Variants in GANC observed in about 807,000 individuals in gnomAD.
GANC encodes the protein glucosidase alpha, neutral C, also known as neutral alpha-glucosidase C.
GANC carries 117 observed loss-of-function variants against 124.2 expected under a neutral mutation model. The observed-to-expected ratio is 0.94, with a 90% CI of 0.81 to 1.10. The LOEUF (loss-of-function observed/expected upper bound fraction) is 1.10, where lower values mean the gene tolerates loss of function less well. Among genes scored for constraint, GANC ranks in the 50% least tolerant of loss-of-function variants. The probability of loss-of-function intolerance (pLI) is 0.00; values close to 1 mark genes in which losing one functional copy is unlikely to be tolerated. For missense variants in GANC, 1,140 were observed against 1,095.0 expected (o/e 1.04, Z -0.58); for synonymous variants, 377 against 376.8 (o/e 1.00, Z -0.01).
chr15:42,347,232 G>A (rs1228247484), intron 20 of GANC, among the ~76,000 whole-genome samples: 2 of 151,970 alleles, frequency 1.3e-5, no homozygotes, highest in East Asian at 1.9e-4. Context: ...CATGTGTGGG[G>A]AGATGGAAGT....
rs192351767 is a variant in GANC at position 42,281,424 on chromosome 15, C to T, written c.201+2834C>T. Among the ~76,000 whole-genome samples the T allele has an allele frequency of 2.1e-4, 18 of 85,002 alleles. No homozygotes were observed. The East Asian group carries it at 7.1e-3, about 34-fold the overall frequency. 55.8% of individuals were successfully genotyped at this position (85,002 alleles called of 152,430 possible). On this transcript the variant is annotated intron_variant, in intron 3 of 23. Coordinates refer to ENST00000318010, the MANE Select transcript of GANC (RefSeq NM_198141.3). ...TTAGGCCAGGCGTGGTGGCTCACACCTATAATCCCAGCACTTTGGGAGGCC... is the reference window on the plus strand; with the variant it reads ...TTAGGCCAGGCGTGGTGGCTCACACTTATAATCCCAGCACTTTGGGAGGCC...
chr15:42,316,152 A>G (rs544345965), intron 10 of GANC, among the ~76,000 whole-genome samples: 5 of 152,180 alleles, frequency 3.3e-5, no homozygotes, highest in Non-Finnish European at 5.9e-5. Context: ...CAACAGATAC[A>G]TGTATGCCAA....
At position 42,277,653 on chromosome 15, in the gene GANC, T is replaced by G. The variant is rs548487874; in HGVS notation, c.93-829T>G. 3.6e-3 allele frequency among the ~76,000 whole-genome samples: 551 copies of G among 151,872 alleles called. 6 individuals are homozygous for G. The highest frequency in any genetic ancestry group is 2.7e-3 in the South Asian group (13 of 4,814). On this transcript the variant is annotated intron_variant, in intron 2 of 23. Coordinates refer to ENST00000318010, the MANE Select transcript of GANC (RefSeq NM_198141.3). ...TCTCCCTCTGTCACCCAGGCTGGAG[T>G]GCAGTGGCGCAATCACTGCCCACCA...
chr15:42,304,941 C>A (rs1166969337), intron 6 of GANC, among the ~76,000 whole-genome samples: 1 of 152,146 alleles, frequency 6.6e-6, no homozygotes, highest in Non-Finnish European at 1.5e-5. Context: ...CTTCCTTACA[C>A]CTTATACAAA....
chr15:42,288,168 T>A (rs1435046971), intron 4 of GANC, among the ~76,000 whole-genome samples: 1 of 152,178 alleles, frequency 6.6e-6, no homozygotes, highest in Non-Finnish European at 1.5e-5. Flanking sequence ...GGAAAGCTAC[T>A]TATTACTCAC....
Position 42,348,214 on chromosome 15 carries a change from A to G in GANC, c.2416A>G (p.Lys806Glu), listed in dbSNP as rs775919981. 1.6e-5 allele frequency: 25 copies of G among 1,590,736 alleles called. No homozygotes were observed. Among genetic ancestry groups the G allele is most frequent in the Non-Finnish European group, 1.9e-5 (22 of 1,160,236 alleles). ...TGGACTCCGGGTTGCTCTAAGCACTAAGGTATTTGGTAAATCTGTTACTCA... is the reference window on the plus strand; with the variant it reads ...TGGACTCCGGGTTGCTCTAAGCACTGAGGTATTTGGTAAATCTGTTACTCA... ...SYGLRVALST[K>E]GSSVGELYLD... The change falls in exon 21 of 24, where the codon AAG becomes GAG. Residue 806 changes from lysine (K) to glutamate (E), a missense_variant and splice_region_variant. Physicochemically the swap from Lys to Glu is moderately conservative, Grantham distance 56. Coordinates refer to ENST00000318010, the MANE Select transcript of GANC (RefSeq NM_198141.3).
rs1388586350 is a variant in GANC at position 42,273,527 on chromosome 15, G to A, written c.-955G>A. 10 of 1,446,568 alleles carry A rather than the reference G, an allele frequency of 6.9e-6. No homozygotes were observed. The highest frequency in any genetic ancestry group is 4.0e-5 in the South Asian group (3 of 74,482). 89.6% of individuals were successfully genotyped at this position (1,446,568 alleles called of 1,614,324 possible). On this transcript the variant is annotated 5_prime_UTR_variant, in exon 1 of 24. Coordinates refer to ENST00000318010, the MANE Select transcript of GANC (RefSeq NM_198141.3). Reference sequence around the variant, plus strand: ...ACGTCGCGGAGCTTGTTTGCTGTGCGGCGTAGCGGCCCCTCTCTCAGACAG... The same window carrying A: ...ACGTCGCGGAGCTTGTTTGCTGTGCAGCGTAGCGGCCCCTCTCTCAGACAG...
At position 42,323,895 on chromosome 15, in the gene GANC, ATTAGGGGTG is replaced by A. The variant is rs545175983; in HGVS notation, c.1293+1878_1293+1886del. Among the ~76,000 whole-genome samples the A allele has an allele frequency of 8.3e-3, 1,267 of 152,302 alleles. 8 individuals are homozygous for A. The highest frequency in any genetic ancestry group is 0.012 in the Non-Finnish European group (783 of 68,014). The stretch of plus-strand genomic sequence containing the variant: ...GGGCAATGCAGCCAGAGGAAGGAGC[ATTAGGGGTG>A]TTCGGAAAGCAGTGCACAGGCAAGT... On this transcript the variant is annotated intron_variant, in intron 11 of 23. Transcript: ENST00000318010.
chr15:42,301,855 C>T (rs115263901), intron 6 of GANC, among the ~76,000 whole-genome samples: 2,541 of 152,286 alleles, frequency 0.017, 73 homozygotes, highest in African/African-American at 0.059. Flanking sequence ...CAGCCCCAAT[C>T]GGGCTTATAG....
At chr15:42,335,031 C>A (rs1466875532) in intron 15 of GANC, among the ~76,000 whole-genome samples, 1 of 152,064 alleles carries the variant, frequency 6.6e-6, no homozygotes, top group Non-Finnish European at 1.5e-5. Flanking sequence ...CCAGTTTTAC[C>A]AGATGTACAA....
At chr15:42,297,697 T>C in intron 6 of GANC, 41 bp downstream of exon 6, 5 of 1,422,598 alleles carry the variant, frequency 3.5e-6, no homozygotes, top group Non-Finnish European at 4.9e-6. Context: ...TTTTTCACCA[T>C]CATCATCATG....
In GANC at chr15:42,274,437, C is replaced by T. The variant is rs767951514; in HGVS notation, c.-45C>T. ...GGCTTTTTTAAAAGATCGCCCAGGG[C>T]CCTTGTCCTGAGAGCTGGGAGCTGG... On this transcript the variant is annotated 5_prime_UTR_variant, in exon 1 of 24. Coordinates refer to ENST00000318010, the MANE Select transcript of GANC (RefSeq NM_198141.3). 6.2e-7 allele frequency: 1 copy of T among 1,600,960 alleles called. No individual in the cohort carries two copies. Among genetic ancestry groups the T allele is most frequent in the Admixed American group, 1.7e-5 (1 of 58,016 alleles).
At chr15:42,305,847 A>G (rs186905207) in intron 6 of GANC, among the ~76,000 whole-genome samples, 363 of 152,238 alleles carry the variant, frequency 2.4e-3, no homozygotes, top group African/African-American at 8.2e-3. Flanking sequence ...ACAGGAACAG[A>G]AAACCAAACA....
In GANC at chr15:42,273,356, G is replaced by GA. The variant is rs1566946021; in HGVS notation, c.-1124dup. On this transcript the variant is annotated 5_prime_UTR_variant, in exon 1 of 24. Transcript: ENST00000318010. Reference sequence around the variant, plus strand: ...GGTGACGGGTGAGCTCCCAGAAGCAGAAGAATGACAGGCAACACCTGAAGC... The same window carrying GA: ...GGTGACGGGTGAGCTCCCAGAAGCAGAAAGAATGACAGGCAACACCTGAAGC... 1.2e-6 allele frequency: 2 copies of GA among 1,612,594 alleles called. No homozygotes were observed. The highest frequency in any genetic ancestry group is 1.7e-6 in the Non-Finnish European group (2 of 1,178,744).
At chr15:42,323,487 TTTA>T (rs965941402) in intron 11 of GANC, among the ~76,000 whole-genome samples, 7 of 140,032 alleles carry the variant, frequency 5.0e-5, no homozygotes, top group African/African-American at 1.8e-4. Flanking sequence ...TGCATTTTAT[TTTA>T]TTTATTTATT....
At chr15:42,321,747 C>A (rs1237471529) in intron 10 of GANC, 38 bp from the exon 11 acceptor site, 2 of 1,528,684 alleles carry the variant, frequency 1.3e-6, no homozygotes, top group Admixed American at 1.7e-5. Context: ...ATGGTCATTG[C>A]CATGGCAGTT....
intron 3 of GANC, among the ~76,000 whole-genome samples, chr15:42,281,783 T>C (rs2051736763): frequency 6.6e-6 from 1 of 152,242 alleles, no homozygotes; most frequent in African/African-American, 2.4e-5. Flanking sequence ...GCTGTACTAA[T>C]AAAGTGAATC....
At chr15:42,329,532 A>G (rs1396075709) in intron 14 of GANC, 83 bp downstream of exon 14, 18 of 1,389,530 alleles carry the variant, frequency 1.3e-5, no homozygotes, top group Admixed American at 6.4e-5. Context: ...TATAATGGCT[A>G]TTCTCTACTG....
chr15:42,334,876 A>G (rs1161398614), intron 15 of GANC, among the ~76,000 whole-genome samples: 1 of 152,222 alleles, frequency 6.6e-6, no homozygotes, highest in Non-Finnish European at 1.5e-5. Context: ...GGAGAAATGG[A>G]TAAATTCCTG....
Sources: allele counts gnomAD v4.1 joint callset (sites outside exome capture counted in the v4.1 genomes callset), GRCh38; gene constraint gnomAD v4.1.1; transcripts MANE v1.5; gene names NCBI Gene and HGNC (gene_info 2026-07-23, HGNC 2026-07-21).